Variants in INTS4 observed in about 807,000 individuals in gnomAD.
The protein encoded by INTS4 is MSTP093.
Under a neutral mutation model 119.5 loss-of-function variants are expected in INTS4, and 70 were observed. The ratio of observed to expected loss-of-function variants is 0.59; its 90% CI spans 0.48 to 0.71. INTS4 has a LOEUF of 0.71. Among genes scored for constraint, INTS4 ranks in the 30% least tolerant of loss-of-function variants. The pLI is 0.00. For synonymous variants in INTS4, 316 were observed against 419.6 expected (o/e 0.75, Z 3.02); for missense variants, 867 against 1,173.2 (o/e 0.74, Z 3.81).
rs1412733481 is a variant in INTS4, at chr11:77,961,144, A to T, written c.472-6T>A. The T allele has an allele frequency of 4.8e-6, 2 of 420,744 alleles. No homozygotes were observed. The highest frequency in any genetic ancestry group is 6.6e-6 in the Non-Finnish European group (2 of 303,284). The allele number at this position is 420,744 out of a possible 1,614,324, so 26.1% of individuals were successfully genotyped here. A position where few individuals can be genotyped will look rare whatever the true frequency, so the allele number is the denominator to read the frequency against. ...TGAGACGTATCTGTCAGATGCTATT[A>T]AAAAAAAAAAAAAAAAGAAAAAAAG... On this transcript the variant is annotated splice_region_variant and splice_polypyrimidine_tract_variant and intron_variant, in intron 4 of 22. Coordinates refer to ENST00000534064, the MANE Select transcript of INTS4 (RefSeq NM_033547.4).
intron 15 of INTS4, 35 bp downstream of exon 15, chr11:77,918,786 A>G: frequency 6.2e-7 from 1 of 1,609,298 alleles, no homozygotes; most frequent in Non-Finnish European, 8.5e-7. Flanking sequence ...GTGTAACAGC[A>G]CTAACTCTGT....
chr11:77,980,188 C>T (rs1333026953), intron 3 of INTS4, among the ~76,000 whole-genome samples: 1 of 151,496 alleles, frequency 6.6e-6, no homozygotes, highest in Non-Finnish European at 1.5e-5. Flanking sequence ...CCTATCTTTG[C>T]TCAGGCTAAC....
chr11:77,980,900 G>A (rs1050604767), intron 3 of INTS4, among the ~76,000 whole-genome samples: 4 of 152,040 alleles, frequency 2.6e-5, no homozygotes, highest in Non-Finnish European at 5.9e-5. Context: ...GGCTGAGGCA[G>A]GAGAATGACG....
intron 21 of INTS4, among the ~76,000 whole-genome samples, chr11:77,886,628 A>G (rs989213091): frequency 3.3e-5 from 5 of 152,170 alleles, no homozygotes; most frequent in Admixed American, 3.3e-4. Context: ...CCTACTATCC[A>G]GCGAAACCAC....
rs1161842205 is a variant in INTS4, at chr11:77,879,109, A to G, written c.2732T>C (p.Val911Ala). ...TAWTEACQVE[V>A]RLLLAYNSSA... Reference sequence around the variant, plus strand: ...GGAGTTGTAGGCCAGCAGCAGCCTCACTTCCACCTGGCATGCCTCTGAAAA... The same window carrying G: ...GGAGTTGTAGGCCAGCAGCAGCCTCGCTTCCACCTGGCATGCCTCTGAAAA... Residue 911 changes from valine (V) to alanine (A), a missense_variant, in exon 23 of 23, where the codon GTG becomes GCG. Around this residue, in one of 5 missense-constraint regions of INTS4, gnomAD observed 122 missense variants for 133.2 expected, o/e 0.92. Coordinates refer to ENST00000534064, the MANE Select transcript of INTS4 (RefSeq NM_033547.4). 6.2e-7 allele frequency: 1 copy of G among 1,614,130 alleles called. No homozygotes were observed. The highest frequency in any genetic ancestry group is 8.5e-7 in the Non-Finnish European group (1 of 1,180,022).
intron 8 of INTS4, among the ~76,000 whole-genome samples, chr11:77,943,191 C>T (rs554815378): frequency 3.9e-5 from 6 of 152,110 alleles, no homozygotes; most frequent in African/African-American, 1.2e-4. Flanking sequence ...ACTGCGCGCT[C>T]GTCCAACACA....
chr11:77,989,150 T>C (rs547899469), intron 2 of INTS4, among the ~76,000 whole-genome samples: 2 of 152,280 alleles, frequency 1.3e-5, no homozygotes, highest in East Asian at 1.9e-4. Context: ...TTAATAGATA[T>C]GTAATGAAAT....
chr11:77,920,268 CATATATATACACAT>C (rs2136477931), intron 14 of INTS4, among the ~76,000 whole-genome samples: 4 of 99,928 alleles, frequency 4.0e-5, no homozygotes, highest in Admixed American at 2.9e-4. Flanking sequence ...CATATATACA[CATATATATACACAT>C]ATATATATAT....
chr11:77,977,584 G>T (rs1344328934), intron 4 of INTS4, among the ~76,000 whole-genome samples: 1 of 151,682 alleles, frequency 6.6e-6, no homozygotes, highest in Non-Finnish European at 1.5e-5. Context: ...GACAAATAAT[G>T]ATTCCCTTTG....
At chr11:77,981,413 C>A in intron 3 of INTS4, 46 bp downstream of exon 3, 2 of 914,022 alleles carry the variant, frequency 2.2e-6, no homozygotes, top group Non-Finnish European at 1.6e-6. Context: ...ACAAAAAGAA[C>A]TAAATATTTC....
At chr11:77,894,485 A>G (rs1397355591) in intron 18 of INTS4, 136 bp from the exon 19 acceptor site, 2 of 541,014 alleles carry the variant, frequency 3.7e-6, no homozygotes, top group Non-Finnish European at 6.6e-6. Context: ...AAAGTAACAG[A>G]AGACTCCTAA....
chr11:77,884,015 T>C (rs1951892967), intron 21 of INTS4, 63 bp from the exon 22 acceptor site: 1 of 1,539,348 alleles, frequency 6.5e-7, no homozygotes, highest in African/African-American at 1.4e-5. Flanking sequence ...AAATGGATGA[T>C]GACATCTGTT....
intron 15 of INTS4, among the ~76,000 whole-genome samples, chr11:77,917,513 T>G (rs1953232985): frequency 1.3e-5 from 2 of 151,590 alleles, no homozygotes; most frequent in African/African-American, 4.8e-5. Flanking sequence ...GGGGTTTCAC[T>G]CAACGGGGCT....
chr11:77,899,091 AG>A lies in INTS4; in HGVS notation c.2228+2329del, dbSNP rs1441178263. The stretch of plus-strand genomic sequence containing the variant: ...CAATAACCCTTACAATAACCCTGTG[AG>A]GAAGAGATAGGTACTACTATTATCT... On this transcript the variant is annotated intron_variant, in intron 18 of 22. Transcript: ENST00000534064. Among the ~76,000 whole-genome samples the A allele has an allele frequency of 6.6e-5, 10 of 152,274 alleles. No homozygotes were observed. The Middle Eastern group carries it at 0.01, about 155-fold the overall frequency.
At chr11:77,921,974 T>A (rs1953372671) in intron 13 of INTS4, among the ~76,000 whole-genome samples, 1 of 152,110 alleles carries the variant, frequency 6.6e-6, no homozygotes, top group Non-Finnish European at 1.5e-5. Context: ...GAGGTTGCAG[T>A]GAGCTGGGGT....
intron 10 of INTS4, among the ~76,000 whole-genome samples, chr11:77,931,213 A>G (rs1256027174): frequency 6.6e-6 from 1 of 152,334 alleles, no homozygotes; most frequent in African/African-American, 2.4e-5. Flanking sequence ...AAAGAAAAAG[A>G]CCTTTCTAGA....
At chr11:77,933,574 CA>C (rs1727938268) in intron 10 of INTS4, among the ~76,000 whole-genome samples, 1 of 152,208 alleles carries the variant, frequency 6.6e-6, no homozygotes, top group African/African-American at 2.4e-5. Context: ...CGGCTCGCTA[CA>C]ACCTCCACCT....
intron 21 of INTS4, among the ~76,000 whole-genome samples, chr11:77,886,249 C>A (rs1318964139): frequency 6.6e-6 from 1 of 151,978 alleles, no homozygotes; most frequent in Non-Finnish European, 1.5e-5. Context: ...CAAAACTGTC[C>A]TTGGTGAAAG....
At chr11:77,927,410 G>C (rs1953534680) in intron 11 of INTS4, among the ~76,000 whole-genome samples, 1 of 152,134 alleles carries the variant, frequency 6.6e-6, no homozygotes. Context: ...GTAGAAATCT[G>C]TTACAAGTGT....
Sources: allele counts gnomAD v4.1 joint callset (sites outside exome capture counted in the v4.1 genomes callset), GRCh38; gene constraint gnomAD v4.1.1; regional missense constraint gnomAD v4.1.1; transcripts MANE v1.5; gene names NCBI Gene and HGNC (gene_info 2026-07-23, HGNC 2026-07-21).